DOCK1: variants seen among roughly 807,000 people sequenced by gnomAD.
DOCK1 encodes dedicator of cytokinesis protein 1.
Under a neutral mutation model 262.7 loss-of-function variants are expected in DOCK1, and 138 were observed. The observed-to-expected ratio is 0.53, with a 90% CI of 0.46 to 0.61. The LOEUF (loss-of-function observed/expected upper bound fraction) is 0.61. DOCK1 is among the 20% of genes least tolerant of loss of function. The probability of loss-of-function intolerance (pLI) is 0.00; values close to 1 mark genes in which losing one functional copy is unlikely to be tolerated. For synonymous variants in DOCK1, 866 were observed against 867.4 expected, an observed-to-expected ratio of 1.00 and a Z score of 0.03; for missense variants, 1,908 against 2,370.7, an observed-to-expected ratio of 0.80 and a Z score of 4.05.
rs1430136133 is a variant in DOCK1 at position 127,329,494 on chromosome 10, TCTGGGGTGAGCAGACACTGGGGTG to T, written c.3045-9505_3045-9482del. Among the ~76,000 whole-genome samples the T allele has an allele frequency of 2.3e-4, 34 of 149,670 alleles. No individual in the cohort carries two copies. The East Asian group carries it at 5.9e-3, about 26-fold the overall frequency. ...ACACTGGGGTGCTGGGGCAGAGGTCTCTGGGGTGAGCAGACACTGGGGTGCTGGGGCGAGCAGACACTGGGGTGC... is the reference window on the plus strand; with the variant it reads ...ACACTGGGGTGCTGGGGCAGAGGTCTCTGGGGCGAGCAGACACTGGGGTGC... On this transcript the variant is annotated intron_variant, in intron 29 of 51. Coordinates refer to ENST00000623213, the MANE Select transcript of DOCK1 (RefSeq NM_001290223.2).
rs1049624727 is a variant in DOCK1 at position 126,962,588 on chromosome 10, C to T, written c.47-8114C>T. On this transcript the variant is annotated intron_variant, in intron 1 of 51. Transcript: ENST00000623213. ...CTGGGATTACAGGCATGAACCATGG[C>T]GCCCAGCCCCCAGGAATTCTTTATA... 1.5e-3 allele frequency among the ~76,000 whole-genome samples: 236 copies of T among 152,348 alleles called. 1 individual carries two copies. Among genetic ancestry groups the T allele is most frequent in the African/African-American group, 5.6e-3 (232 of 41,580 alleles).
Position 126,995,489 on chromosome 10 carries a change from A to G in DOCK1, c.474-1259A>G, listed in dbSNP as rs1182486196. ...CCCCGTCTCCATCAAAAAATACGAAAACCAGTCAGGTGTGGCGGCGCGCGC... is the reference window on the plus strand; with the variant it reads ...CCCCGTCTCCATCAAAAAATACGAAGACCAGTCAGGTGTGGCGGCGCGCGC... On this transcript the variant is annotated intron_variant, in intron 6 of 51. Transcript: ENST00000623213. This position sits in a 1 kb window ranked among gnomAD's most constrained non-coding sequence, Gnocchi z 5.8. Among the ~76,000 whole-genome samples the G allele has an allele frequency of 6.6e-6, 1 of 152,100 alleles. No homozygotes were observed. Among genetic ancestry groups the G allele is most frequent in the African/African-American group, 2.4e-5 (1 of 41,442 alleles).
chr10:127,093,678 A>T (rs534988666), intron 23 of DOCK1, among the ~76,000 whole-genome samples: 1 of 151,342 alleles, frequency 6.6e-6, no homozygotes, highest in Non-Finnish European at 1.5e-5. Flanking sequence ...TTATAAAGAT[A>T]GTCATCATTG....
Position 126,995,139 on chromosome 10 carries a change from C to T in DOCK1, c.474-1609C>T, listed in dbSNP as rs942502321. Among the ~76,000 whole-genome samples, 11 of 150,750 alleles carry T rather than the reference C, an allele frequency of 7.3e-5. No homozygotes were observed. Among genetic ancestry groups the T allele is most frequent in the South Asian group, 2.1e-4 (1 of 4,750 alleles). Reference sequence around the variant, plus strand: ...CAGACGATGGGCGGCCGGGCAGAGACGCTCCTCACTTCTAGACGGGATGAC... The same window carrying T: ...CAGACGATGGGCGGCCGGGCAGAGATGCTCCTCACTTCTAGACGGGATGAC... On this transcript the variant is annotated intron_variant, in intron 6 of 51. Transcript: ENST00000623213. This position sits in a 1 kb window ranked among gnomAD's most constrained non-coding sequence, Gnocchi z 5.8.
chr10:126,986,018 G>T (rs1041226579), intron 4 of DOCK1, among the ~76,000 whole-genome samples: 5 of 151,894 alleles, frequency 3.3e-5, no homozygotes, highest in Admixed American at 6.6e-5. Flanking sequence ...CTGATTTTTT[G>T]TATTTATTTA....
chr10:127,251,650 C>G (rs1344123658), intron 28 of DOCK1, among the ~76,000 whole-genome samples: 2 of 149,630 alleles, frequency 1.3e-5, no homozygotes, highest in African/African-American at 4.9e-5. Context: ...TTTGTCCTTG[C>G]AATAGTTTAC....
intron 29 of DOCK1, among the ~76,000 whole-genome samples, chr10:127,259,326 C>T (rs533359916): frequency 5.1e-4 from 78 of 152,288 alleles, no homozygotes; most frequent in African/African-American, 1.8e-3. Context: ...GGTCTTTTCC[C>T]TTTTTCTCTG....
chr10:127,176,313 A>G lies in DOCK1; in HGVS notation c.2847+48549A>G, dbSNP rs773204442. The G allele has an allele frequency of 8.1e-6, 13 of 1,613,918 alleles. No homozygotes were observed. Among genetic ancestry groups the G allele is most frequent in the East Asian group, 2.2e-5 (1 of 44,848 alleles). On this transcript the variant is annotated intron_variant, in intron 27 of 51. Coordinates refer to ENST00000623213, the MANE Select transcript of DOCK1 (RefSeq NM_001290223.2). This position sits in a 1 kb window ranked among gnomAD's most constrained non-coding sequence, Gnocchi z 4.4. The stretch of plus-strand genomic sequence containing the variant: ...CCGGTTGGGGTCCAGGGCGTATTTC[A>G]TCTCCAGGGCCAGGCAGGCGGCGGG...
chr10:126,946,946 C>T (rs1169365602), intron 1 of DOCK1, among the ~76,000 whole-genome samples: 2 of 152,180 alleles, frequency 1.3e-5, no homozygotes, highest in Non-Finnish European at 2.9e-5. Context: ...GGATCAGACG[C>T]TCATTGTGAA....
chr10:127,333,444 A>G (rs186506834), intron 29 of DOCK1, among the ~76,000 whole-genome samples: 5 of 152,356 alleles, frequency 3.3e-5, no homozygotes, highest in African/African-American at 1.2e-4. Flanking sequence ...TAATTGTGCC[A>G]GGAGCCTGGA....
chr10:127,387,053 G>A (rs896321778), intron 38 of DOCK1, among the ~76,000 whole-genome samples: 1 of 151,048 alleles, frequency 6.6e-6, no homozygotes, highest in African/African-American at 2.4e-5. Context: ...GGCAGGGCAG[G>A]AGGCAGGGAC....
Position 126,996,861 on chromosome 10 carries a change from A to G in DOCK1, c.587A>G (p.Glu196Gly). The change falls in exon 7 of 52, where the codon GAG (glutamate) becomes GGG (glycine). Residue 196 changes from glutamate (E) to glycine (G), a missense_variant. Around this residue, in one of 9 missense-constraint regions of DOCK1, gnomAD observed 227 missense variants for 254.1 expected, o/e 0.89. Coordinates refer to ENST00000623213, the MANE Select transcript of DOCK1 (RefSeq NM_001290223.2). ...CATGAAATAGCTTCTAAACAAGTGG[A>G]GGAAAGGTTACAAGAGGAAAAAGTA... ...RAHEIASKQV[E>G]ERLQEEKSQK... is the part of the protein sequence containing the mutation. The G allele has an allele frequency of 6.2e-7, 1 of 1,603,172 alleles. No individual in the cohort carries two copies. Among genetic ancestry groups the G allele is most frequent in the South Asian group, 1.1e-5 (1 of 88,922 alleles).
chr10:127,339,695 TTGTGTGTGTGTGTGTG>T (rs112206811), intron 30 of DOCK1, among the ~76,000 whole-genome samples: 15,803 of 109,908 alleles, frequency 0.14, 1,353 homozygotes, highest in African/African-American at 0.27. Context: ...CTGGCCTGAT[TTGTGTGTGTGTGTGTG>T]TGTGTGTGTG....
rs775981682 is a variant in DOCK1 at position 127,447,499 on chromosome 10, A to C, written c.5519A>C (p.Asp1840Ala). ...ADYGNLMENQ[D>A]LLGSPTPPPP... Reference sequence around the variant, plus strand: ...TACGGGAATTTGATGGAAAACCAGGACTTGCTGGGCTCGCCAACACCTCCA... The same window carrying C: ...TACGGGAATTTGATGGAAAACCAGGCCTTGCTGGGCTCGCCAACACCTCCA... Residue 1840 changes from aspartate (D) to alanine (A), a missense_variant, in exon 51 of 52, where the codon GAC becomes GCC. By Grantham distance (126) the Asp-to-Ala change is moderately radical. Transcript: ENST00000623213. The C allele has an allele frequency of 3.7e-6, 6 of 1,613,920 alleles. No homozygotes were observed. Among genetic ancestry groups the C allele is most frequent in the Non-Finnish European group, 4.2e-6 (5 of 1,179,860 alleles).
intron 25 of DOCK1, among the ~76,000 whole-genome samples, chr10:127,117,312 TG>T (rs1030640813): frequency 6.6e-6 from 1 of 152,208 alleles, no homozygotes; most frequent in African/African-American, 2.4e-5. Flanking sequence ...GCCAGAAGCC[TG>T]GCAGGGAGCT....
intron 13 of DOCK1, among the ~76,000 whole-genome samples, chr10:127,022,869 G>C (rs981581933): frequency 6.6e-6 from 1 of 152,128 alleles, no homozygotes; most frequent in African/African-American, 2.4e-5. Context: ...ACAATGGTGT[G>C]GGCTGCCATG....
chr10:127,450,516 T>G (rs1202260698), intron 51 of DOCK1, among the ~76,000 whole-genome samples: 1 of 151,986 alleles, frequency 6.6e-6, no homozygotes, highest in Admixed American at 6.5e-5. Context: ...ATTCACTCAT[T>G]CATTTATTCA....
chr10:127,314,812 C>A (rs2062203953), intron 29 of DOCK1, among the ~76,000 whole-genome samples: 1 of 152,174 alleles, frequency 6.6e-6, no homozygotes, highest in African/African-American at 2.4e-5. Context: ...ACCTCGCACC[C>A]TCCTAGGGGA....
At chr10:126,970,648 A>G (rs761082078) in intron 1 of DOCK1, 54 bp from the exon 2 acceptor site, 3 of 1,413,366 alleles carry the variant, frequency 2.1e-6, no homozygotes, top group Non-Finnish European at 2.0e-6. Flanking sequence ...ACGACTCAGC[A>G]TGGTCACTTC....
Sources: gnomAD v4.1 joint callset for allele counts (sites outside exome capture counted in the v4.1 genomes callset) on GRCh38, gnomAD v4.1.1 for gene constraint, gnomAD v4.1.1 regional missense constraint, Gnocchi (gnomAD v3.1) non-coding constraint, MANE v1.5 for transcripts, NCBI Gene and HGNC (gene_info 2026-07-23, HGNC 2026-07-21) for gene names.